PALM2AKAP2: variants seen among roughly 807,000 people sequenced by gnomAD.
The protein encoded by PALM2AKAP2 is PALM2 and AKAP2 fusion, also known as PALM2-AKAP2 fusion protein.
In PALM2AKAP2, 37 loss-of-function variants were observed where a neutral mutation model predicts 71.5. That is an observed-to-expected ratio of 0.52 (90% CI 0.40 to 0.68). PALM2AKAP2 has a LOEUF of 0.68. Ranked by LOEUF, PALM2AKAP2 falls within the 30% of genes least tolerant of loss-of-function variation. PALM2AKAP2 has a pLI of 0.00. For synonymous variants in PALM2AKAP2, 468 were observed against 478.8 expected, an observed-to-expected ratio of 0.98 and a Z score of 0.29; for missense variants, 1,224 against 1,191.8, an observed-to-expected ratio of 1.03 and a Z score of -0.40.
intron 6 of PALM2AKAP2, among the ~76,000 whole-genome samples, chr9:109,999,874 G>C (rs924669439): frequency 7.2e-5 from 11 of 152,090 alleles, no homozygotes; most frequent in African/African-American, 2.7e-4. Context: ...GCAGCAGAAG[G>C]CTGAGTCCCA....
intron 1 of PALM2AKAP2, among the ~76,000 whole-genome samples, chr9:109,706,657 C>G (rs1325980406): frequency 6.6e-6 from 1 of 152,138 alleles, no homozygotes; most frequent in Non-Finnish European, 1.5e-5. Flanking sequence ...AGAAACAACA[C>G]AAATGTCTGT....
chr9:109,932,999 A>T (rs1831142327), intron 6 of PALM2AKAP2, among the ~76,000 whole-genome samples: 1 of 152,276 alleles, frequency 6.6e-6, no homozygotes, highest in African/African-American at 2.4e-5. Context: ...ATACAAAAGT[A>T]AAATAAAAGG....
In PALM2AKAP2 at chr9:110,162,143, A is replaced by C; in HGVS notation, c.2748+5646A>C. 3.7e-6 allele frequency: 6 copies of C among 1,613,812 alleles called. No homozygotes were observed. The highest frequency in any genetic ancestry group is 4.2e-6 in the Non-Finnish European group (5 of 1,179,878). ...AAGGTGACTTCCGAGGTACTTTTCA[A>C]TTTGTTTGTCTTGGTCTTACTGAAT... On this transcript the variant is annotated intron_variant, in intron 3 of 3. Transcript: ENST00000374525.
chr9:109,767,883 C>T (rs1829179697), intron 1 of PALM2AKAP2, among the ~76,000 whole-genome samples: 1 of 46,688 alleles, frequency 2.1e-5, no homozygotes, highest in South Asian at 1.0e-3. Flanking sequence ...ATGCCTGGTT[C>T]AAAGCGTGGG....
At chr9:109,802,760 C>G (rs1196852442) in intron 1 of PALM2AKAP2, among the ~76,000 whole-genome samples, 1 of 152,174 alleles carries the variant, frequency 6.6e-6, no homozygotes, top group African/African-American at 2.4e-5. Flanking sequence ...GCAAAGAAAG[C>G]TAGAAAACAT....
chr9:109,896,943 T>G (rs1048772647), intron 3 of PALM2AKAP2, among the ~76,000 whole-genome samples: 2 of 152,246 alleles, frequency 1.3e-5, no homozygotes, highest in Admixed American at 6.5e-5. Context: ...CCAGCTATCT[T>G]TTGCTTCATC....
intron 1 of PALM2AKAP2, among the ~76,000 whole-genome samples, chr9:110,069,709 C>A (rs529935981): frequency 4.6e-5 from 7 of 152,286 alleles, no homozygotes; most frequent in African/African-American, 1.4e-4. Context: ...GAGGGAACAA[C>A]AGCTTCCACA....
chr9:109,975,446 C>T (rs1832155522), intron 6 of PALM2AKAP2, among the ~76,000 whole-genome samples: 1 of 152,212 alleles, frequency 6.6e-6, no homozygotes, highest in Admixed American at 6.5e-5. Context: ...TGGTGAAGGC[C>T]ATCTTTTTAC....
chr9:110,135,173 ATATATAT>A (rs1330663487), intron 1 of PALM2AKAP2, among the ~76,000 whole-genome samples: 6 of 56,176 alleles, frequency 1.1e-4, no homozygotes, highest in Non-Finnish European at 1.9e-4. Context: ...AAATATATAA[ATATATAT>A]ATATATATAA....
intron 6 of PALM2AKAP2, among the ~76,000 whole-genome samples, chr9:110,014,034 A>C (rs1832929056): frequency 6.6e-6 from 1 of 152,214 alleles, no homozygotes; most frequent in South Asian, 2.1e-4. Flanking sequence ...TCACTCTACA[A>C]GGGCAGATTG....
intron 7 of PALM2AKAP2, among the ~76,000 whole-genome samples, chr9:110,017,358 C>T (rs967895728): frequency 2.0e-5 from 3 of 152,182 alleles, no homozygotes; most frequent in Non-Finnish European, 4.4e-5. Flanking sequence ...CCTGATTAGT[C>T]AAAAAGTCAA....
chr9:109,968,478 C>T (rs1348756784), intron 6 of PALM2AKAP2, among the ~76,000 whole-genome samples: 7 of 152,226 alleles, frequency 4.6e-5, no homozygotes, highest in East Asian at 3.9e-4. Flanking sequence ...AGGTTTTCTC[C>T]GAAGACGTCT....
At chr9:110,121,847 T>C (rs1835492968) in intron 1 of PALM2AKAP2, among the ~76,000 whole-genome samples, 1 of 152,216 alleles carries the variant, frequency 6.6e-6, no homozygotes, top group South Asian at 2.1e-4. Flanking sequence ...ACAGGCTTTC[T>C]TGAGACTCTG....
At chr9:109,883,327 C>T (rs1474109456) in intron 3 of PALM2AKAP2, among the ~76,000 whole-genome samples, 1 of 152,200 alleles carries the variant, frequency 6.6e-6, no homozygotes, top group Non-Finnish European at 1.5e-5. Context: ...AAGGAAATCA[C>T]AATAGCCTAC....
intron 1 of PALM2AKAP2, among the ~76,000 whole-genome samples, chr9:110,122,603 A>G (rs1835512915): frequency 6.6e-6 from 1 of 152,206 alleles, no homozygotes; most frequent in South Asian, 2.1e-4. Flanking sequence ...GGCACAGACA[A>G]GGCACACAGT....
chr9:110,129,685 A>G (rs1301057128), intron 1 of PALM2AKAP2, among the ~76,000 whole-genome samples: 1 of 152,220 alleles, frequency 6.6e-6, no homozygotes, highest in Non-Finnish European at 1.5e-5. Context: ...CCCACAGGAC[A>G]GGCTTGTCAG....
At chr9:110,048,564 G>A (rs970002796), upstream of PALM2AKAP2, 40 of 866,428 alleles carry the variant, frequency 4.6e-5, 1 homozygote, top group South Asian at 7.3e-4. Flanking sequence ...ATGGGGAGGG[G>A]AGGGGAGGGA....
Position 109,658,755 on chromosome 9 carries a change from T to A in PALM2AKAP2, c.5+17889T>A, listed in dbSNP as rs148455830. Among the ~76,000 whole-genome samples the A allele has an allele frequency of 5.9e-3, 895 of 152,252 alleles. 11 individuals carry two copies. Among genetic ancestry groups the A allele is most frequent in the African/African-American group, 0.02 (851 of 41,536 alleles). ...GGATTTCCCCTTGAAAAACCATCAG[T>A]TCGTGTGAGACTTTAATATGGTTGC... On this transcript the variant is annotated intron_variant, in intron 1 of 6. Transcript: ENST00000374531.
chr9:109,691,881 C>CATAT (rs1184403919), intron 1 of PALM2AKAP2, among the ~76,000 whole-genome samples: 12 of 46,504 alleles, frequency 2.6e-4, no homozygotes, highest in South Asian at 8.3e-4. Flanking sequence ...CACACACACA[C>CATAT]ATATATATAT....
Sources: gnomAD v4.1 joint callset for allele counts (sites outside exome capture counted in the v4.1 genomes callset) on GRCh38, gnomAD v4.1.1 for gene constraint, MANE v1.5 for transcripts, NCBI Gene and HGNC (gene_info 2026-07-23, HGNC 2026-07-21) for gene names.